Variants in TMEM248 observed in about 807,000 individuals in gnomAD.
The protein encoded by TMEM248 is transmembrane protein 248, also known as UPF0458 protein C7orf42.
TMEM248 carries 9 observed loss-of-function variants against 30.3 expected under a neutral mutation model. That is an observed-to-expected ratio of 0.30 (90% CI 0.18 to 0.52). The LOEUF (loss-of-function observed/expected upper bound fraction) is 0.52. Ranked by LOEUF, TMEM248 falls within the 20% of genes least tolerant of loss-of-function variation. The pLI, the probability that TMEM248 is intolerant of heterozygous loss-of-function variation, is 0.97. For missense variants in TMEM248, 338 were observed against 403.3 expected (o/e 0.84, Z 1.39); for synonymous variants, 184 against 154.4 (o/e 1.19, Z -1.42).
intron 4 of TMEM248, 53 bp downstream of exon 4, chr7:66,948,747 A>C: frequency 1.3e-6 from 2 of 1,568,412 alleles, no homozygotes; most frequent in Admixed American, 3.5e-5. Flanking sequence ...ACTTGCCGTG[A>C]GTACGGCTGG....
Position 66,953,146 on chromosome 7 carries a change from CTG to C in TMEM248, c.781-78_781-77del, listed in dbSNP as rs3830616. 6.2e-4 allele frequency: 936 copies of C among 1,502,938 alleles called. 11 individuals are homozygous for C. The East Asian group carries it at 0.021, about 33-fold the overall frequency. 93.1% of individuals were successfully genotyped at this position (1,502,938 alleles called of 1,614,324 possible). A position where few individuals can be genotyped will look rare whatever the true frequency, so the allele number is the denominator to read the frequency against. ...GTGGCAAGTCTGGAGGCTGTCAATCCTGTCTCTCAAAACCCAGCATTAAAACC... is the reference window on the plus strand; with the variant it reads ...GTGGCAAGTCTGGAGGCTGTCAATCCTCTCTCAAAACCCAGCATTAAAACC... On this transcript the variant is annotated intron_variant, in intron 5 of 6. Transcript: ENST00000341567.
chr7:66,932,749 C>G (rs55889925), intron 1 of TMEM248, among the ~76,000 whole-genome samples: 15,734 of 151,130 alleles, frequency 0.1, 1,137 homozygotes, highest in South Asian at 0.2. Flanking sequence ...CTCCTGAGCT[C>G]AGGCAGTCCA....
chr7:66,957,567 T>C lies in TMEM248; in HGVS notation c.*2045T>C, dbSNP rs773497158. Reference sequence around the variant, plus strand: ...TGGCTTGGCTCTAGAAACGTCATTATCATTAGGACCATCAGATTTTAGATT... The same window carrying C: ...TGGCTTGGCTCTAGAAACGTCATTACCATTAGGACCATCAGATTTTAGATT... On this transcript the variant is annotated 3_prime_UTR_variant, in exon 7 of 7. Transcript: ENST00000341567. 6.6e-6 allele frequency: 1 copy of C among 152,218 alleles called. No homozygotes were observed. Among genetic ancestry groups the C allele is most frequent in the Non-Finnish European group, 1.5e-5 (1 of 68,034 alleles). The allele number at this position is 152,218 out of a possible 1,614,324, so 9.4% of individuals were successfully genotyped here.
chr7:66,933,933 G>T (rs1412083371), intron 1 of TMEM248, among the ~76,000 whole-genome samples: 1 of 151,662 alleles, frequency 6.6e-6, no homozygotes, highest in East Asian at 1.9e-4. Context: ...AGCGGGAGGG[G>T]TCAAATAGTG....
chr7:66,938,700 GT>G (rs1017236841), intron 1 of TMEM248, among the ~76,000 whole-genome samples: 4 of 152,140 alleles, frequency 2.6e-5, no homozygotes, highest in Non-Finnish European at 5.9e-5. Context: ...TAGAGACGGG[GT>G]TTCACCATAT....
chr7:66,950,886 G>A, intron 4 of TMEM248, 66 bp from the exon 5 acceptor site: 5 of 1,341,510 alleles, frequency 3.7e-6, no homozygotes, highest in Middle Eastern at 2.5e-4. Flanking sequence ...AGCTGCTGTG[G>A]GGGTGACACA....
intron 1 of TMEM248, among the ~76,000 whole-genome samples, chr7:66,924,125 T>A (rs1055084886): frequency 6.6e-6 from 1 of 152,256 alleles, no homozygotes; most frequent in Admixed American, 6.5e-5. Context: ...AAATTTGATG[T>A]CTGTGAGTTG....
In TMEM248 at chr7:66,929,129, G is replaced by A. The variant is rs1036154272; in HGVS notation, c.-19+7668G>A. On this transcript the variant is annotated intron_variant, in intron 1 of 6. Transcript: ENST00000341567. Reference sequence around the variant, plus strand: ...GCAAACCTATATCATTTATTGGACCGAAGTAGAACTTAATGGTTAATGCAT... The same window carrying A: ...GCAAACCTATATCATTTATTGGACCAAAGTAGAACTTAATGGTTAATGCAT... Among the ~76,000 whole-genome samples the A allele has an allele frequency of 3.9e-5, 6 of 152,168 alleles. No homozygotes were observed. In the East Asian group the frequency reaches 7.7e-4, roughly 20 times the overall value.
chr7:66,938,236 T>G (rs1791856151), intron 1 of TMEM248, among the ~76,000 whole-genome samples: 1 of 152,160 alleles, frequency 6.6e-6, no homozygotes, highest in African/African-American at 2.4e-5. Context: ...TGGTCTTGTC[T>G]TCTTTCTTTC....
rs1235043642 is a variant in TMEM248 at position 66,957,770 on chromosome 7, C to T, written c.*2248C>T. 6.6e-6 allele frequency: 1 copy of T among 152,144 alleles called. No individual in the cohort carries two copies. Among genetic ancestry groups the T allele is most frequent in the Non-Finnish European group, 1.5e-5 (1 of 68,050 alleles). The allele number at this position is 152,144 out of a possible 1,614,324, so 9.4% of individuals were successfully genotyped here. On this transcript the variant is annotated 3_prime_UTR_variant, in exon 7 of 7. Coordinates refer to ENST00000341567, the MANE Select transcript of TMEM248 (RefSeq NM_017994.5). ...TTTAATGACAGAGAGTGGCTGGAATCTGTAGCTAGGGGAGGGGCAACACTG... is the reference window on the plus strand; with the variant it reads ...TTTAATGACAGAGAGTGGCTGGAATTTGTAGCTAGGGGAGGGGCAACACTG...
intron 1 of TMEM248, among the ~76,000 whole-genome samples, chr7:66,926,033 A>G (rs1302545072): frequency 6.6e-6 from 1 of 152,114 alleles, no homozygotes; most frequent in Non-Finnish European, 1.5e-5. Context: ...CCTTAGCTCC[A>G]CATTCTCACC....
In TMEM248 at chr7:66,950,946, C is replaced by T. The variant is rs1479399328; in HGVS notation, c.597-6C>T. On this transcript the variant is annotated splice_region_variant and splice_polypyrimidine_tract_variant and intron_variant, in intron 4 of 6. Coordinates refer to ENST00000341567, the MANE Select transcript of TMEM248 (RefSeq NM_017994.5). ...ACGTGTCTTTCCTCCTCCTCTTCTC[C>T]TGCAGACAGCCACCGCACTGTGTTC... 2.6e-6 allele frequency: 4 copies of T among 1,554,032 alleles called. No homozygotes were observed. Among genetic ancestry groups the T allele is most frequent in the Non-Finnish European group, 3.5e-6 (4 of 1,149,426 alleles).
In TMEM248 at chr7:66,928,530, A is replaced by G. The variant is rs147317338; in HGVS notation, c.-19+7069A>G. Among the ~76,000 whole-genome samples, 35 of 152,306 alleles carry G rather than the reference A, an allele frequency of 2.3e-4. 1 individual carries two copies. In the East Asian group the frequency reaches 6.8e-3, roughly 29 times the overall value. On this transcript the variant is annotated intron_variant, in intron 1 of 6. Coordinates refer to ENST00000341567, the MANE Select transcript of TMEM248 (RefSeq NM_017994.5). ...CTGTAAAGTGGGAATAGTAGTATCT[A>G]TCTAGCAGTGTTGCAAGGATTAAAA...
intron 2 of TMEM248, 107 bp from the exon 3 acceptor site, chr7:66,944,869 T>C (rs1792050853): frequency 1.7e-6 from 2 of 1,157,480 alleles, no homozygotes; most frequent in Non-Finnish European, 1.2e-6. Flanking sequence ...CTCTGAATTG[T>C]AGTTTGCTGA....
intron 4 of TMEM248, among the ~76,000 whole-genome samples, chr7:66,950,598 GACTAATAT>G (rs1372408604): frequency 6.6e-6 from 1 of 152,078 alleles, no homozygotes; most frequent in Non-Finnish European, 1.5e-5. Flanking sequence ...CATGAGAAAG[GACTAATAT>G]ACTAAGAGTT....
intron 4 of TMEM248, among the ~76,000 whole-genome samples, chr7:66,950,459 G>C (rs939611588): frequency 6.6e-6 from 1 of 152,144 alleles, no homozygotes; most frequent in African/African-American, 2.4e-5. Flanking sequence ...TGTGAAGAAG[G>C]ATGTGTTTGC....
At chr7:66,941,394 G>GA (rs373618347) in intron 1 of TMEM248, among the ~76,000 whole-genome samples, 39 of 136,522 alleles carry the variant, frequency 2.9e-4, no homozygotes, top group Admixed American at 4.5e-4. Flanking sequence ...AAAAAAAAAA[G>GA]AAAAAAAAAA....
rs374932648 is a variant in TMEM248, at chr7:66,945,208, G to T, written c.392G>T (p.Arg131Leu). 1.2e-6 allele frequency: 2 copies of T among 1,614,128 alleles called. No homozygotes were observed. Among genetic ancestry groups the T allele is most frequent in the East Asian group, 2.2e-5 (1 of 44,886 alleles). ...DPLKPFGGYS[R>L]NVTHLYSTIL... ...CTGAAACCCTTCGGAGGGTATTCCC[G>T]CAACGTCACCCATCTGTACTCAACC... Residue 131 changes from arginine (R) to leucine (L), a missense_variant, in exon 3 of 7, where the codon CGC (arginine) becomes CTC (leucine). Arg to Leu is a moderately radical substitution (Grantham distance 102). Transcript: ENST00000341567.
chr7:66,939,832 A>G (rs375067890), intron 1 of TMEM248, among the ~76,000 whole-genome samples: 20 of 152,364 alleles, frequency 1.3e-4, no homozygotes, highest in African/African-American at 3.6e-4. Flanking sequence ...GATGACAAAC[A>G]GTAAACAAGT....
Sources: gnomAD v4.1 joint callset for allele counts (sites outside exome capture counted in the v4.1 genomes callset) on GRCh38, gnomAD v4.1.1 for gene constraint, MANE v1.5 for transcripts, NCBI Gene and HGNC (gene_info 2026-07-23, HGNC 2026-07-21) for gene names.